The following SHPRH variants were observed in gnomAD, a reference collection of about 807,000 sequenced individuals.
SHPRH encodes E3 ubiquitin-protein ligase SHPRH.
In SHPRH, 106 loss-of-function variants were observed where a neutral mutation model predicts 202.5. The observed-to-expected ratio is 0.52, with a 90% CI of 0.45 to 0.62. The LOEUF is 0.62. SHPRH is among the 20% of genes least tolerant of loss of function. The probability of loss-of-function intolerance (pLI) is 0.00; values close to 1 mark genes in which losing one functional copy is unlikely to be tolerated. For missense variants in SHPRH, 1,710 were observed against 2,020.0 expected (o/e 0.85, Z 2.94); for synonymous variants, 729 against 686.0 (o/e 1.06, Z -0.98).
intron 8 of SHPRH, 92 bp downstream of exon 8, chr6:145,945,289 A>G: frequency 1.4e-6 from 2 of 1,390,842 alleles, no homozygotes; most frequent in Non-Finnish European, 9.6e-7. Flanking sequence ...TCAGATCGTA[A>G]GAGTTTCAGT....
intron 28 of SHPRH, among the ~76,000 whole-genome samples, chr6:145,889,366 G>A (rs1241053577): frequency 1.3e-5 from 2 of 152,058 alleles, no homozygotes; most frequent in Non-Finnish European, 2.9e-5. Context: ...AGAGATGGAG[G>A]TAGGATGTAT....
chr6:145,880,517 T>C (rs1439051842), downstream of SHPRH, among the ~76,000 whole-genome samples: 1 of 151,746 alleles, frequency 6.6e-6, no homozygotes, highest in Non-Finnish European at 1.5e-5. Context: ...CAGTTCCAGA[T>C]ACCTGGGAGA....
chr6:145,874,186 G>A (rs1780193410), intron 2 of SHPRH, among the ~76,000 whole-genome samples: 6 of 149,346 alleles, frequency 4.0e-5, no homozygotes, highest in Admixed American at 3.3e-4. Flanking sequence ...CAACAAGAGT[G>A]AAACTCCATC....
chr6:145,923,391 G>A (rs192855768), intron 18 of SHPRH, among the ~76,000 whole-genome samples: 67 of 151,974 alleles, frequency 4.4e-4, no homozygotes, highest in African/African-American at 1.6e-3. Flanking sequence ...ACATTATGAA[G>A]TGTAAAATAT....
intron 2 of SHPRH, 51 bp downstream of exon 2, chr6:145,954,639 G>C: frequency 6.6e-7 from 1 of 1,506,662 alleles, no homozygotes; most frequent in Non-Finnish European, 8.9e-7. Flanking sequence ...TTTAAAATTG[G>C]ACTGCCAATG....
chr6:145,871,597 A>G (rs998596562), intron 2 of SHPRH: 3 of 152,220 alleles, frequency 2.0e-5, no homozygotes, highest in Non-Finnish European at 4.4e-5. Context: ...GGAAGAATCA[A>G]TATTATGTAA....
At chr6:145,872,790 T>A (rs374039031) in intron 2 of SHPRH, among the ~76,000 whole-genome samples, 1 of 152,176 alleles carries the variant, frequency 6.6e-6, no homozygotes, top group Non-Finnish European at 1.5e-5. Flanking sequence ...TCAACCTAAA[T>A]GCCTATCAGT....
At chr6:145,948,570 T>C (rs1787641880) in intron 4 of SHPRH, among the ~76,000 whole-genome samples, 1 of 152,022 alleles carries the variant, frequency 6.6e-6, no homozygotes, top group African/African-American at 2.4e-5. Flanking sequence ...GCTCCCTTTG[T>C]TTTGGGCACA....
At chr6:145,872,370 A>C (rs1780095445) in intron 2 of SHPRH, among the ~76,000 whole-genome samples, 1 of 152,212 alleles carries the variant, frequency 6.6e-6, no homozygotes, top group South Asian at 2.1e-4. Context: ...CCCATTAAAA[A>C]GTGGGCAAAG....
In SHPRH at chr6:145,864,424, TC is replaced by T; in HGVS notation, c.288del (p.Thr97GlnfsTer7). 1 of 417,490 alleles carries T rather than the reference TC, an allele frequency of 2.4e-6. No homozygotes were observed. The allele number at this position is 417,490 out of a possible 1,614,324, so 25.9% of individuals were successfully genotyped here. A position where few individuals can be genotyped will look rare whatever the true frequency, so the allele number is the denominator to read the frequency against. The stretch of plus-strand genomic sequence containing the variant: ...TCTCTCAACTGTAGAATGGCAGTTG[TC>T]AGGGACCAGGGGTGGGAGAATGGGG... On this transcript the variant is annotated frameshift_variant, in exon 3 of 3. Transcript: ENST00000417762. LOFTEE classifies it low-confidence loss of function (END_TRUNC).
chr6:145,955,305 T>C lies in SHPRH; in HGVS notation c.18A>G (p.Lys6=). 6.3e-7 allele frequency: 1 copy of C among 1,597,394 alleles called. No individual in the cohort carries two copies. The highest frequency in any genetic ancestry group is 8.5e-7 in the Non-Finnish European group (1 of 1,172,824). Residue 6 remains lysine, a synonymous_variant, in exon 2 of 30, where the codon AAA becomes AAG. Transcript: ENST00000275233. ...CATCTACCCTCACTGGAGGAGCACGTTTCCGTCGGCTGCTCATTTTCAAGT... is the reference window on the plus strand; with the variant it reads ...CATCTACCCTCACTGGAGGAGCACGCTTCCGTCGGCTGCTCATTTTCAAGT... MSSRR[K]RAPPVRVDEE...
At chr6:145,949,340 G>T (rs1787736710) in intron 4 of SHPRH, among the ~76,000 whole-genome samples, 4 of 152,056 alleles carry the variant, frequency 2.6e-5, no homozygotes. Flanking sequence ...AGTGGATAAA[G>T]AAAATGTGTG....
At chr6:145,867,627 T>TAGAGAG (rs1296301891) in intron 2 of SHPRH, among the ~76,000 whole-genome samples, 162 of 53,752 alleles carry the variant, frequency 3.0e-3, no homozygotes, top group African/African-American at 4.2e-3. Context: ...TATATATATA[T>TAGAGAG]ATATAGAGAG....
chr6:145,902,504 A>C (rs1782588415), intron 25 of SHPRH, among the ~76,000 whole-genome samples: 1 of 152,126 alleles, frequency 6.6e-6, no homozygotes, highest in South Asian at 2.1e-4. Flanking sequence ...ACTGAAAAAA[A>C]TTCTTCTAAT....
intron 24 of SHPRH, among the ~76,000 whole-genome samples, chr6:145,912,001 T>G (rs913427530): frequency 1.3e-5 from 2 of 152,042 alleles, no homozygotes; most frequent in Non-Finnish European, 2.9e-5. Context: ...TGGGGTACTC[T>G]ACTGGAAAGG....
chr6:145,922,482 G>T, intron 19 of SHPRH, 134 bp from the exon 20 acceptor site: 1 of 1,239,210 alleles, frequency 8.1e-7, no homozygotes, highest in East Asian at 2.8e-5. Flanking sequence ...AAATCACATG[G>T]TTTTTCATAC....
At chr6:145,961,058 C>T (rs1344220753) in intron 1 of SHPRH, among the ~76,000 whole-genome samples, 2 of 151,784 alleles carry the variant, frequency 1.3e-5, no homozygotes, top group African/African-American at 2.4e-5. Flanking sequence ...TGGTAATGCT[C>T]GCTTGCCCGC....
chr6:145,864,653 A>C, intron 2 of SHPRH, among the ~76,000 whole-genome samples: 1 of 150,598 alleles, frequency 6.6e-6, no homozygotes, highest in South Asian at 2.1e-4. Flanking sequence ...TGAACAAAAT[A>C]ATAGCCCATG....
chr6:145,946,176 G>T, intron 7 of SHPRH, 57 bp downstream of exon 7: 1 of 1,285,322 alleles, frequency 7.8e-7, no homozygotes, highest in Non-Finnish European at 1.1e-6. Context: ...AGGATTGCAA[G>T]AACTCTAGCA....
Sources: allele counts gnomAD v4.1 joint callset (sites outside exome capture counted in the v4.1 genomes callset), GRCh38; gene constraint gnomAD v4.1.1; transcripts MANE v1.5; gene names NCBI Gene and HGNC (gene_info 2026-07-23, HGNC 2026-07-21).